The following PAWR variants were observed in gnomAD, a reference collection of about 807,000 sequenced individuals.
PAWR encodes PRKC apoptosis WT1 regulator protein.
Under a neutral mutation model 32.0 loss-of-function variants are expected in PAWR, and 23 were observed. That is an observed-to-expected ratio of 0.72 (90% confidence interval 0.52 to 1.02). The LOEUF (loss-of-function observed/expected upper bound fraction) is 1.02, where lower values mean the gene tolerates loss of function less well. Ranked by LOEUF, PAWR falls within the 50% of genes least tolerant of loss-of-function variation. The pLI, the probability that PAWR is intolerant of heterozygous loss-of-function variation, is 0.00. For synonymous variants in PAWR, 226 were observed against 187.1 expected (o/e 1.21, Z -1.70); for missense variants, 457 against 437.7 (o/e 1.04, Z -0.39).
rs1566011008 is a variant in PAWR at position 79,632,337 on chromosome 12, ATATATATATATATATATATATATAT to A, written c.517-11155_517-11131del. Among the ~76,000 whole-genome samples the A allele has an allele frequency of 4.9e-4, 25 of 50,950 alleles. 1 individual carries two copies. The South Asian group carries it at 8.5e-3, about 17-fold the overall frequency. The allele number at this position is 50,950 out of a possible 152,430, so 33.4% of individuals were successfully genotyped here. The stretch of plus-strand genomic sequence containing the variant: ...CATATATATATATATATATATATAT[ATATATATATATATATATATATATAT>A]TTTTTTTTTTTTTTAGACAGGGTCT... On this transcript the variant is annotated intron_variant, in intron 2 of 6. Coordinates refer to ENST00000328827, the MANE Select transcript of PAWR (RefSeq NM_002583.4).
intron 2 of PAWR, among the ~76,000 whole-genome samples, chr12:79,633,369 T>C (rs1316556832): frequency 2.6e-5 from 4 of 151,834 alleles, no homozygotes; most frequent in Non-Finnish European, 4.4e-5. Flanking sequence ...AAATGTCAAA[T>C]AAACACACGA....
At chr12:79,611,247 ATAT>A (rs1393326595) in intron 4 of PAWR, among the ~76,000 whole-genome samples, 1 of 146,502 alleles carries the variant, frequency 6.8e-6, no homozygotes, top group African/African-American at 2.5e-5. Flanking sequence ...TATACAGTAT[ATAT>A]TATATATATT....
At chr12:79,593,584 C>T (rs984615924) in intron 6 of PAWR, among the ~76,000 whole-genome samples, 1 of 151,038 alleles carries the variant, frequency 6.6e-6, no homozygotes, top group Non-Finnish European at 1.5e-5. Context: ...CACTTGAACC[C>T]GGGGGGTGGA....
At chr12:79,623,320 C>A (rs1203164888) in intron 2 of PAWR, among the ~76,000 whole-genome samples, 3 of 151,972 alleles carry the variant, frequency 2.0e-5, no homozygotes, top group African/African-American at 4.8e-5. Context: ...AACATACCAG[C>A]AAAATTTAAA....
At chr12:79,624,044 C>A (rs1057271956) in intron 2 of PAWR, among the ~76,000 whole-genome samples, 1 of 152,158 alleles carries the variant, frequency 6.6e-6, no homozygotes, top group Non-Finnish European at 1.5e-5. Context: ...CATCTCTAGT[C>A]TTCTACTGTG....
At chr12:79,605,007 T>C (rs928663820) in intron 4 of PAWR, among the ~76,000 whole-genome samples, 2 of 152,130 alleles carry the variant, frequency 1.3e-5, no homozygotes, top group Non-Finnish European at 1.5e-5. Flanking sequence ...TATCTTCTTT[T>C]ACAAAGAATT....
intron 2 of PAWR, among the ~76,000 whole-genome samples, chr12:79,672,392 G>T (rs1237172427): frequency 6.6e-6 from 1 of 152,016 alleles, no homozygotes; most frequent in Non-Finnish European, 1.5e-5. Flanking sequence ...TGTAATGTCT[G>T]TTCCCTCCAC....
At position 79,587,804 on chromosome 12, in the gene PAWR, G is replaced by GA. The variant is rs1327064434; in HGVS notation, c.*4802dup. 1 of 151,762 alleles carries GA rather than the reference G, an allele frequency of 6.6e-6. No individual in the cohort carries two copies. The highest frequency in any genetic ancestry group is 6.6e-5 in the Admixed American group (1 of 15,232). The allele number at this position is 151,762 out of a possible 1,614,324, so 9.4% of individuals were successfully genotyped here. A position where few individuals can be genotyped will look rare whatever the true frequency, so the allele number is the denominator to read the frequency against. ...AAATAACCACTGTTGAAAAATAAAT[G>GA]AAAAAAATTTTATTGAGTATTACTT... On this transcript the variant is annotated 3_prime_UTR_variant, in exon 7 of 7. Coordinates refer to ENST00000328827, the MANE Select transcript of PAWR (RefSeq NM_002583.4).
chr12:79,672,925 T>C (rs1355047493), intron 2 of PAWR, among the ~76,000 whole-genome samples: 2 of 152,116 alleles, frequency 1.3e-5, no homozygotes, highest in East Asian at 1.9e-4. Flanking sequence ...TATACCAATA[T>C]ATATCTCTAA....
chr12:79,628,273 C>CTG, intron 2 of PAWR, among the ~76,000 whole-genome samples: 1 of 152,060 alleles, frequency 6.6e-6, no homozygotes, highest in African/African-American at 2.4e-5. Flanking sequence ...AACAAAGACA[C>CTG]AACATACATT....
chr12:79,684,338 C>T (rs537149337), intron 2 of PAWR, among the ~76,000 whole-genome samples: 5 of 152,058 alleles, frequency 3.3e-5, no homozygotes, highest in East Asian at 1.9e-4. Flanking sequence ...AGGCTTGGTA[C>T]GGTAGCTCCC....
intron 2 of PAWR, among the ~76,000 whole-genome samples, chr12:79,666,463 A>G (rs536760501): frequency 1.1e-4 from 16 of 152,350 alleles, no homozygotes; most frequent in African/African-American, 3.6e-4. Context: ...AGACCATTTC[A>G]GAGGATCCGC....
At chr12:79,663,145 T>TTTCA (rs1877428507) in intron 2 of PAWR, among the ~76,000 whole-genome samples, 3 of 152,158 alleles carry the variant, frequency 2.0e-5, no homozygotes, top group African/African-American at 7.2e-5. Context: ...ATGCATAAGG[T>TTTCA]GTTCAGTAGC....
chr12:79,689,835 C>T lies in PAWR; in HGVS notation c.410G>A (p.Gly137Asp), dbSNP rs8176806. The change falls in exon 2 of 7, where the codon GGC (glycine) becomes GAC (aspartate). Residue 137 changes from glycine (G) to aspartate (D), a missense_variant. By Grantham distance (94) the Gly-to-Asp change is moderately conservative. Transcript: ENST00000328827. The part of the protein sequence containing the change: ...EEEPDGVPEK[G>D]KSSGPSARKG... ...CCTGGCACTGGGGCCCGAGCTCTTG[C>T]CCTTCTCTGGGACGCCGTCCGGCTC... The T allele has an allele frequency of 1.1e-5, 17 of 1,592,624 alleles. No homozygotes were observed. In the Admixed American group the frequency reaches 2.1e-4, roughly 19 times the overall value.
intron 2 of PAWR, among the ~76,000 whole-genome samples, chr12:79,631,869 C>G (rs1875641971): frequency 6.6e-6 from 1 of 151,994 alleles, no homozygotes; most frequent in African/African-American, 2.4e-5. Flanking sequence ...CACAGTGGCT[C>G]ACACCTGTAA....
Position 79,594,359 on chromosome 12 carries a change from T to C in PAWR, c.906A>G (p.Lys302=). Residue 302 remains lysine (K), a synonymous_variant, in exon 6 of 7, where the codon AAA becomes AAG. Coordinates refer to ENST00000328827, the MANE Select transcript of PAWR (RefSeq NM_002583.4). ...LMQDKEEMIG[K]LKEEIDLLNR... is the part of the protein sequence containing the mutation. ...TTAATAAATCAATTTCTTCTTTGAGTTTTCCAATCATTTCCTCTTTATCTT... is the reference window on the plus strand; with the variant it reads ...TTAATAAATCAATTTCTTCTTTGAGCTTTCCAATCATTTCCTCTTTATCTT... The C allele has an allele frequency of 6.4e-7, 1 of 1,552,556 alleles. No homozygotes were observed. The highest frequency in any genetic ancestry group is 2.3e-5 in the East Asian group (1 of 44,044).
chr12:79,657,134 A>T (rs947004410), intron 2 of PAWR, among the ~76,000 whole-genome samples: 1 of 152,252 alleles, frequency 6.6e-6, no homozygotes, highest in Non-Finnish European at 1.5e-5. Flanking sequence ...ATCTCAAGAC[A>T]AGGGTGCTCA....
chr12:79,625,027 A>C (rs895858076), intron 2 of PAWR, among the ~76,000 whole-genome samples: 4 of 152,138 alleles, frequency 2.6e-5, no homozygotes, highest in African/African-American at 9.7e-5. Flanking sequence ...GTATCATTTT[A>C]CATTTCCTTC....
rs555052019 is a variant in PAWR, at chr12:79,663,933, C to T, written c.516+25796G>A. Among the ~76,000 whole-genome samples, 5 of 152,140 alleles carry T rather than the reference C, an allele frequency of 3.3e-5. No homozygotes were observed. In the East Asian group the frequency reaches 9.7e-4, roughly 29 times the overall value. ...GGCTATGTGCTTATAATATAATAAA[C>T]AAAAATAAATCCAACTACAAAGTAT... On this transcript the variant is annotated intron_variant, in intron 2 of 6. Transcript: ENST00000328827.
Sources: gnomAD v4.1 joint callset for allele counts (sites outside exome capture counted in the v4.1 genomes callset) on GRCh38, gnomAD v4.1.1 for gene constraint, MANE v1.5 for transcripts, NCBI Gene and HGNC (gene_info 2026-07-23, HGNC 2026-07-21) for gene names.